PACRG: variants seen among roughly 807,000 people sequenced by gnomAD.
PACRG encodes parkin coregulated gene protein.
A neutral mutation model predicts 29.7 loss-of-function variants in PACRG; 29 were observed. The ratio of observed to expected loss-of-function variants is 0.98; its 90% CI spans 0.73 to 1.33. The LOEUF is 1.33. Among genes scored for constraint, PACRG ranks in the 40% most tolerant of loss-of-function variants. PACRG has a pLI of 0.00. For missense variants in PACRG, 279 were observed against 316.2 expected (o/e 0.88, Z 0.89); for synonymous variants, 116 against 118.7 (o/e 0.98, Z 0.15).
At chr6:163,019,853 C>T (rs1343730751) in intron 2 of PACRG, among the ~76,000 whole-genome samples, 2 of 152,298 alleles carry the variant, frequency 1.3e-5, no homozygotes, top group East Asian at 3.9e-4. Context: ...TTCTTATTTC[C>T]TTAATTCTCC....
chr6:162,947,610 TCA>T (rs1491193243), intron 2 of PACRG, among the ~76,000 whole-genome samples: 13,389 of 48,030 alleles, frequency 0.28, 2,273 homozygotes, highest in Non-Finnish European at 0.36. Context: ...ATATATATAA[TCA>T]TATATATATA....
chr6:162,804,463 T>C lies in PACRG; in HGVS notation c.157-9684T>C, dbSNP rs190314376. 2.7e-3 allele frequency among the ~76,000 whole-genome samples: 411 copies of C among 152,304 alleles called. 1 individual carries two copies. Among genetic ancestry groups the C allele is most frequent in the African/African-American group, 9.4e-3 (391 of 41,570 alleles). On this transcript the variant is annotated intron_variant, in intron 1 of 4. Transcript: ENST00000366888. ...TGCTGACATGGTGATTTCCAGCCGG[T>C]TATTTTCTCTCTTCAATTTCCTTGT...
intron 2 of PACRG, among the ~76,000 whole-genome samples, chr6:163,060,438 C>T (rs1428587253): frequency 6.6e-6 from 1 of 152,006 alleles, no homozygotes; most frequent in African/African-American, 2.4e-5. Flanking sequence ...TTTCCAAATG[C>T]ACATAAATCT....
chr6:163,306,842 A>G (rs34529285), intron 4 of PACRG, among the ~76,000 whole-genome samples: 12,319 of 152,264 alleles, frequency 0.081, 550 homozygotes, highest in Non-Finnish European at 0.099. Context: ...CCAAAGTTAC[A>G]TTGTGATATT....
intron 2 of PACRG, among the ~76,000 whole-genome samples, chr6:162,874,282 A>C (rs1449551189): frequency 6.6e-6 from 1 of 152,028 alleles, no homozygotes; most frequent in Admixed American, 6.6e-5. Flanking sequence ...AATAAGACAA[A>C]CTATTTTAAT....
chr6:162,871,056 C>CA (rs1792761218), intron 2 of PACRG, among the ~76,000 whole-genome samples: 1 of 151,982 alleles, frequency 6.6e-6, no homozygotes, highest in African/African-American at 2.4e-5. Context: ...GGCATAATTC[C>CA]AAAAAATGTC....
intron 4 of PACRG, among the ~76,000 whole-genome samples, chr6:163,275,988 T>TTTCCTTCCTTCCTTCC (rs750025768): frequency 1.4e-5 from 2 of 139,688 alleles, no homozygotes; most frequent in African/African-American, 5.6e-5. Context: ...TATTATTCTC[T>TTTCCTTCCTTCCTTCC]TTCCTTCCTT....
At chr6:163,013,797 A>G (rs1805834269) in intron 2 of PACRG, among the ~76,000 whole-genome samples, 1 of 152,184 alleles carries the variant, frequency 6.6e-6, no homozygotes. Context: ...AATATTCATT[A>G]AGGGTAAAAG....
At position 162,895,795 on chromosome 6, in the gene PACRG, C is replaced by T. The variant is rs537221816; in HGVS notation, c.291+81514C>T. On this transcript the variant is annotated intron_variant, in intron 2 of 4. Coordinates refer to ENST00000366888, the MANE Select transcript of PACRG (RefSeq NM_001080379.2). ...TCTGATTATTACTCACAGGATACCA[C>T]AAGCTCTAAGAACATTTACTTTACA... is the stretch of plus-strand genomic sequence containing the variant. 1.6e-4 allele frequency among the ~76,000 whole-genome samples: 24 copies of T among 152,368 alleles called. No homozygotes were observed. The East Asian group carries it at 4.4e-3, about 28-fold the overall frequency.
At chr6:163,144,731 T>C (rs1777727066) in intron 4 of PACRG, among the ~76,000 whole-genome samples, 1 of 152,122 alleles carries the variant, frequency 6.6e-6, no homozygotes. Context: ...ATCACGCCAC[T>C]GCACTCCAGC....
chr6:162,890,126 A>G (rs1794647596), intron 2 of PACRG, among the ~76,000 whole-genome samples: 2 of 152,250 alleles, frequency 1.3e-5, no homozygotes, highest in South Asian at 2.1e-4. Flanking sequence ...ATTGCCATCA[A>G]TTGCCATTTG....
chr6:162,832,757 T>G (rs998211670), intron 2 of PACRG, among the ~76,000 whole-genome samples: 16 of 151,424 alleles, frequency 1.1e-4, no homozygotes, highest in Admixed American at 3.3e-4. Flanking sequence ...GGTTTTAATA[T>G]TTAAAATATT....
intron 2 of PACRG, among the ~76,000 whole-genome samples, chr6:163,013,113 T>G (rs1805766722): frequency 6.6e-6 from 1 of 151,896 alleles, no homozygotes; most frequent in Non-Finnish European, 1.5e-5. Context: ...ATTATTAATA[T>G]TATGTTTTCC....
intron 4 of PACRG, among the ~76,000 whole-genome samples, chr6:163,269,803 AGGAAGGAAGGAAGGAAGG>A (rs1783673155): frequency 8.9e-6 from 1 of 112,318 alleles, no homozygotes; most frequent in African/African-American, 3.5e-5. Flanking sequence ...AAAGGAAGGA[AGGAAGGAAGGAAGGAAGG>A]AGAAAGAAAG....
intron 2 of PACRG, among the ~76,000 whole-genome samples, chr6:162,828,019 G>C (rs998152193): frequency 1.3e-5 from 2 of 152,074 alleles, no homozygotes; most frequent in African/African-American, 4.8e-5. Flanking sequence ...ACTTTGACCT[G>C]CCTTAGCCCC....
At chr6:162,830,568 A>G (rs1411763816) in intron 2 of PACRG, among the ~76,000 whole-genome samples, 3 of 152,322 alleles carry the variant, frequency 2.0e-5, no homozygotes, top group East Asian at 3.9e-4. Context: ...GCTCAATACC[A>G]TGCCTGTCCC....
At position 163,195,854 on chromosome 6, in the gene PACRG, T is replaced by G. The variant is rs1473379076; in HGVS notation, c.613+106446T>G. Among the ~76,000 whole-genome samples the G allele has an allele frequency of 2.0e-5, 3 of 152,310 alleles. No homozygotes were observed. In the South Asian group the frequency reaches 6.2e-4, roughly 32 times the overall value. ...CTGCGCCCCTTCCCGCGCCCGCCCCTGGGTGTCTCCGCTGGCTCCCCAGCA... is the reference window on the plus strand; with the variant it reads ...CTGCGCCCCTTCCCGCGCCCGCCCCGGGGTGTCTCCGCTGGCTCCCCAGCA... On this transcript the variant is annotated intron_variant, in intron 4 of 4. Coordinates refer to ENST00000366888, the MANE Select transcript of PACRG (RefSeq NM_001080379.2).
At chr6:163,304,015 CAAAAAAAAAAA>C (rs59861286) in intron 4 of PACRG, among the ~76,000 whole-genome samples, 1 of 76,250 alleles carries the variant, frequency 1.3e-5, no homozygotes, top group Non-Finnish European at 2.4e-5. Context: ...GACTCCATTT[CAAAAAAAAAAA>C]AAAAAAAAAA....
intron 2 of PACRG, among the ~76,000 whole-genome samples, chr6:162,938,634 C>T (rs61035272): frequency 0.1 from 15,216 of 152,182 alleles, 995 homozygotes; most frequent in East Asian, 0.26. Flanking sequence ...AGAAGTGTTC[C>T]CTGTTCACTG....
Sources: gnomAD v4.1 joint callset for allele counts (sites outside exome capture counted in the v4.1 genomes callset) on GRCh38, gnomAD v4.1.1 for gene constraint, MANE v1.5 for transcripts, NCBI Gene and HGNC (gene_info 2026-07-23, HGNC 2026-07-21) for gene names.